The following SCUBE3 variants were observed in gnomAD, a reference collection of about 807,000 sequenced individuals.
SCUBE3 encodes the protein signal peptide, CUB and EGF-like domain-containing protein 3.
SCUBE3 carries 33 observed loss-of-function variants against 116.8 expected under a neutral mutation model. The observed-to-expected ratio is 0.28, with a 90% confidence interval of 0.21 to 0.38. SCUBE3 has a LOEUF of 0.38. SCUBE3 is among the 10% of genes least tolerant of loss of function. The pLI, the probability that SCUBE3 is intolerant of heterozygous loss-of-function variation, is 1.00. For synonymous variants in SCUBE3, 418 were observed against 496.9 expected (o/e 0.84, Z 2.11); for missense variants, 1,007 against 1,324.8 (o/e 0.76, Z 3.72).
Position 35,243,268 on chromosome 6 carries a change from G to A in SCUBE3, c.1909+32G>A. 1 of 1,582,298 alleles carries A rather than the reference G, an allele frequency of 6.3e-7. No homozygotes were observed. The highest frequency in any genetic ancestry group is 8.7e-7 in the Non-Finnish European group (1 of 1,155,080). On this transcript the variant is annotated intron_variant, in intron 15 of 21. Transcript: ENST00000274938. The surrounding 1 kb of genome is among the most constrained non-coding windows in gnomAD (Gnocchi z 6.6). Reference sequence around the variant, plus strand: ...GAGCTTACTGGGGAGCAGGGATGTAGGAAAGACCCAGTTTGGGCCTGACTC... The same window carrying A: ...GAGCTTACTGGGGAGCAGGGATGTAAGAAAGACCCAGTTTGGGCCTGACTC...
At position 35,239,925 on chromosome 6, in the gene SCUBE3, G is replaced by C. The variant is rs192475368; in HGVS notation, c.952+51G>C. On this transcript the variant is annotated intron_variant, in intron 8 of 21. Transcript: ENST00000274938. The surrounding 1 kb of genome is among the most constrained non-coding windows in gnomAD (Gnocchi z 4.1). ...AGCCTTAGGAGAGGTTCTTGTGGGA[G>C]AGCTTCAAGGAGGCCAGAGGGCTAA... 6.6e-7 allele frequency: 1 copy of C among 1,504,506 alleles called. No homozygotes were observed. The highest frequency in any genetic ancestry group is 2.4e-5 in the Admixed American group (1 of 42,184). 93.2% of individuals were successfully genotyped at this position (1,504,506 alleles called of 1,614,324 possible).
Position 35,240,867 on chromosome 6 carries a change from C to G in SCUBE3, c.1070-274C>G, listed in dbSNP as rs1246992753. Among the ~76,000 whole-genome samples the G allele has an allele frequency of 6.6e-6, 1 of 152,144 alleles. No individual in the cohort carries two copies. The highest frequency in any genetic ancestry group is 1.5e-5 in the Non-Finnish European group (1 of 68,032). On this transcript the variant is annotated intron_variant, in intron 9 of 21. Transcript: ENST00000274938. This position sits in a 1 kb window ranked among gnomAD's most constrained non-coding sequence, Gnocchi z 4.6. ...GAGGAGGTTTGAGCTCTTCTCAGGC[C>G]AGTAGTCATCTTACAGTGCCTAGAA...
chr6:35,250,979 G>C lies in SCUBE3; in HGVS notation c.*2274G>C, dbSNP rs959724818. Reference sequence around the variant, plus strand: ...GTGTCTGGCTACCTTTGTCTTTCTGGGTCAAGGAGGGCCACTGTAAAGATG... The same window carrying C: ...GTGTCTGGCTACCTTTGTCTTTCTGCGTCAAGGAGGGCCACTGTAAAGATG... On this transcript the variant is annotated 3_prime_UTR_variant, in exon 22 of 22. Transcript: ENST00000274938. 8.6e-5 allele frequency: 13 copies of C among 151,804 alleles called. No individual in the cohort carries two copies. Among genetic ancestry groups the C allele is most frequent in the African/African-American group, 2.9e-4 (12 of 41,300 alleles). The allele number at this position is 151,804 out of a possible 1,614,324, so 9.4% of individuals were successfully genotyped here. A position where few individuals can be genotyped will look rare whatever the true frequency, so the allele number is the denominator to read the frequency against.
intron 1 of SCUBE3, among the ~76,000 whole-genome samples, chr6:35,227,083 T>C (rs1783358972): frequency 6.6e-6 from 1 of 152,172 alleles, no homozygotes; most frequent in Non-Finnish European, 1.5e-5. Context: ...AGGCCTGGTC[T>C]CAAGCAGAAT....
intron 1 of SCUBE3, among the ~76,000 whole-genome samples, chr6:35,218,983 C>G (rs1189669714): frequency 1.3e-5 from 2 of 152,200 alleles, no homozygotes; most frequent in African/African-American, 2.4e-5. Flanking sequence ...TTCTGCACAT[C>G]TCACTGAAAT....
chr6:35,240,598 C>A lies in SCUBE3; in HGVS notation c.1069+108C>A. 1 of 581,732 alleles carries A rather than the reference C, an allele frequency of 1.7e-6. No homozygotes were observed. Among genetic ancestry groups the A allele is most frequent in the Non-Finnish European group, 3.1e-6 (1 of 324,484 alleles). The allele number at this position is 581,732 out of a possible 1,614,324, so 36.0% of individuals were successfully genotyped here. On this transcript the variant is annotated intron_variant, in intron 9 of 21. Transcript: ENST00000274938. This position sits in a 1 kb window ranked among gnomAD's most constrained non-coding sequence, Gnocchi z 4.6. ...TGTGGCTATGGGCAATCCCTGGATGCATGCACCATGTCTGCATCCGCTGTG... is the reference window on the plus strand; with the variant it reads ...TGTGGCTATGGGCAATCCCTGGATGAATGCACCATGTCTGCATCCGCTGTG...
intron 1 of SCUBE3, chr6:35,224,109 G>C (rs938263359): frequency 3.9e-5 from 6 of 152,258 alleles, no homozygotes; most frequent in African/African-American, 1.4e-4. Context: ...GCTGAGCATA[G>C]TGTGGCTGGA....
chr6:35,231,774 C>G lies in SCUBE3; in HGVS notation c.384C>G (p.Val128=). 6.2e-7 allele frequency: 1 copy of G among 1,613,698 alleles called. No homozygotes were observed. Among genetic ancestry groups the G allele is most frequent in the African/African-American group, 1.3e-5 (1 of 75,014 alleles). The part of the protein sequence containing the change: ...EGNGGCQQSC[V]NMMGSYECHC... ...ACGGCGGCTGTCAGCAGAGCTGTGT[C>G]AACATGATGGGCAGCTATGAGTGCC... is the stretch of plus-strand genomic sequence containing the variant. Residue 128 remains valine, a synonymous_variant, in exon 4 of 22, where the codon GTC becomes GTG. Coordinates refer to ENST00000274938, the MANE Select transcript of SCUBE3 (RefSeq NM_152753.4). The surrounding 1 kb of genome is among the most constrained non-coding windows in gnomAD (Gnocchi z 4.2).
intron 1 of SCUBE3, among the ~76,000 whole-genome samples, chr6:35,226,083 C>G (rs573028674): frequency 6.6e-6 from 1 of 152,142 alleles, no homozygotes; most frequent in East Asian, 1.9e-4. Flanking sequence ...TCTGATCTGC[C>G]CCGTAACACA....
At position 35,235,383 on chromosome 6, in the gene SCUBE3, G is replaced by C; in HGVS notation, c.712+2082G>C. 1.2e-6 allele frequency: 1 copy of C among 841,678 alleles called. No individual in the cohort carries two copies. Among genetic ancestry groups the C allele is most frequent in the Non-Finnish European group, 1.7e-6 (1 of 578,128 alleles). The allele number at this position is 841,678 out of a possible 1,614,324, so 52.1% of individuals were successfully genotyped here. On this transcript the variant is annotated intron_variant, in intron 6 of 21. Transcript: ENST00000274938. The surrounding 1 kb of genome is among the most constrained non-coding windows in gnomAD (Gnocchi z 4.5). ...GGAGGAGAGGGTGGGGAGGGGTCCG[G>C]GGCCAGAGGGCCACAGTGGCTTCTG...
chr6:35,242,141 C>A (rs748562498), intron 12 of SCUBE3, 63 bp from the exon 13 acceptor site: 1 of 1,231,962 alleles, frequency 8.1e-7, no homozygotes, highest in Non-Finnish European at 1.2e-6. Flanking sequence ...CTCAACAACC[C>A]CTACGGCACC....
Position 35,232,789 on chromosome 6 carries a change from A to G in SCUBE3, c.470-61A>G. On this transcript the variant is annotated intron_variant, in intron 4 of 21. Coordinates refer to ENST00000274938, the MANE Select transcript of SCUBE3 (RefSeq NM_152753.4). The surrounding 1 kb of genome is among the most constrained non-coding windows in gnomAD (Gnocchi z 4.2). ...CCCTAGGTCCCCAGTTGCCCCCTGTAGTTTTTCTTTTCTAGACATCCAGGG... is the reference window on the plus strand; with the variant it reads ...CCCTAGGTCCCCAGTTGCCCCCTGTGGTTTTTCTTTTCTAGACATCCAGGG... The G allele has an allele frequency of 3.2e-6, 5 of 1,564,754 alleles. No individual in the cohort carries two copies. The highest frequency in any genetic ancestry group is 4.4e-6 in the Non-Finnish European group (5 of 1,138,136).
Position 35,252,614 on chromosome 6 carries a change from A to G in SCUBE3, c.*3909A>G, listed in dbSNP as rs1784592151. The G allele has an allele frequency of 6.6e-6, 1 of 152,254 alleles. No homozygotes were observed. Among genetic ancestry groups the G allele is most frequent in the South Asian group, 2.1e-4 (1 of 4,836 alleles). 9.4% of individuals were successfully genotyped at this position (152,254 alleles called of 1,614,324 possible). On this transcript the variant is annotated 3_prime_UTR_variant, in exon 22 of 22. Transcript: ENST00000274938. ...CCCTCCAGGTTTCTTTCTTAAGCAC[A>G]ATAAAAGTGGGAGCGAACAACACAA...
chr6:35,218,512 G>C (rs139341473), intron 1 of SCUBE3, among the ~76,000 whole-genome samples: 1 of 152,152 alleles, frequency 6.6e-6, no homozygotes, highest in Non-Finnish European at 1.5e-5. Context: ...TTGACATCCC[G>C]TATCCCTAGC....
At chr6:35,242,969 T>C (rs376268663) in intron 14 of SCUBE3, 52 bp from the exon 15 acceptor site, 7 of 1,583,720 alleles carry the variant, frequency 4.4e-6, no homozygotes, top group Non-Finnish European at 6.1e-6. Flanking sequence ...CCTGCCCTCC[T>C]GCTCACAGCA....
chr6:35,225,838 G>A (rs1384603713), intron 1 of SCUBE3, among the ~76,000 whole-genome samples: 1 of 152,126 alleles, frequency 6.6e-6, no homozygotes, highest in African/African-American at 2.4e-5. Context: ...GATTCAAAAA[G>A]GCTATAATGA....
chr6:35,238,391 C>A lies in SCUBE3; in HGVS notation c.829+373C>A, dbSNP rs140620347. On this transcript the variant is annotated intron_variant, in intron 7 of 21. Coordinates refer to ENST00000274938, the MANE Select transcript of SCUBE3 (RefSeq NM_152753.4). ...ACAGGTGTGTTCCATAACCTTCTTA[C>A]CCCACATTCCTCAGACCTTCCCAGT... Among the ~76,000 whole-genome samples the A allele has an allele frequency of 3.3e-5, 5 of 152,304 alleles. No homozygotes were observed. The South Asian group carries it at 8.3e-4, about 25-fold the overall frequency.
At position 35,244,081 on chromosome 6, in the gene SCUBE3, C is replaced by T. The variant is rs1439159820; in HGVS notation, c.2190C>T (p.Leu730=). The change falls in exon 17 of 22, where the codon CTC becomes CTT. Residue 730 remains leucine (L), a synonymous_variant. Transcript: ENST00000274938. The surrounding 1 kb of genome is among the most constrained non-coding windows in gnomAD (Gnocchi z 4.3). ...TATGCTTCCCTTGTGGTGGGGGCCT[C>T]ACCACCAAGCATGAAGGGGCCATTT... ...RTLCFPCGGG[L]TTKHEGAISF... 1.2e-6 allele frequency: 2 copies of T among 1,614,084 alleles called. No homozygotes were observed. The highest frequency in any genetic ancestry group is 2.2e-5 in the East Asian group (1 of 44,868).
Position 35,244,002 on chromosome 6 carries a change from A to G in SCUBE3, c.2111A>G (p.Lys704Arg), listed in dbSNP as rs2150313645. 6.2e-7 allele frequency: 1 copy of G among 1,614,136 alleles called. No individual in the cohort carries two copies. Among genetic ancestry groups the G allele is most frequent in the Admixed American group, 1.7e-5 (1 of 60,028 alleles). ...PPGQHSVDGF[K>R]PCQPCPRGTY... ...GGCCAACACTCTGTAGATGGGTTCA[A>G]GCCCTGTCAGCCATGCCCACGTGGC... The change falls in exon 17 of 22, where the codon AAG becomes AGG. Residue 704 changes from lysine to arginine, a missense_variant. Lys to Arg is a conservative substitution (Grantham distance 26). This residue lies in a region of SCUBE3 where 544 missense variants were observed against 638.9 expected (regional missense o/e 0.85). Coordinates refer to ENST00000274938, the MANE Select transcript of SCUBE3 (RefSeq NM_152753.4). The surrounding 1 kb of genome is among the most constrained non-coding windows in gnomAD (Gnocchi z 4.3).
Sources: gnomAD v4.1 joint callset for allele counts (sites outside exome capture counted in the v4.1 genomes callset) on GRCh38, gnomAD v4.1.1 for gene constraint, gnomAD v4.1.1 regional missense constraint, Gnocchi (gnomAD v3.1) non-coding constraint, MANE v1.5 for transcripts, NCBI Gene and HGNC (gene_info 2026-07-23, HGNC 2026-07-21) for gene names.